PREPL: variants seen among roughly 807,000 people sequenced by gnomAD.
PREPL encodes the protein prolyl endopeptidase-like.
Under a neutral mutation model 70.6 loss-of-function variants are expected in PREPL, and 77 were observed. The observed-to-expected ratio is 1.09, with a 90% CI of 0.91 to 1.32. PREPL has a LOEUF of 1.32. Among genes scored for constraint, PREPL ranks in the 40% most tolerant of loss-of-function variants. The pLI, the probability that PREPL is intolerant of heterozygous loss-of-function variation, is 0.00. For missense variants in PREPL, 1,002 were observed against 778.2 expected, an observed-to-expected ratio of 1.29 and a Z score of -3.42; for synonymous variants, 315 against 264.8, an observed-to-expected ratio of 1.19 and a Z score of -1.84.
intron 10 of PREPL, among the ~76,000 whole-genome samples, chr2:44,325,391 C>G (rs1220204427): frequency 2.6e-5 from 4 of 152,212 alleles, no homozygotes; most frequent in Non-Finnish European, 5.9e-5. Flanking sequence ...TTTCATTGGG[C>G]CAATTCTATG....
chr2:44,324,819 C>A (rs978036831), intron 10 of PREPL, among the ~76,000 whole-genome samples: 1 of 152,020 alleles, frequency 6.6e-6, no homozygotes, highest in Non-Finnish European at 1.5e-5. Flanking sequence ...CCCCAGAGGT[C>A]GAGGCTGTAG....
chr2:44,332,047 C>T (rs1390161890), intron 8 of PREPL, among the ~76,000 whole-genome samples: 9 of 151,144 alleles, frequency 6.0e-5, no homozygotes, highest in Non-Finnish European at 1.2e-4. Flanking sequence ...CCTGGGTTCA[C>T]GCCATTCTCC....
chr2:44,346,456 G>C, intron 1 of PREPL, 66 bp from the exon 2 acceptor site: 1 of 1,448,732 alleles, frequency 6.9e-7, no homozygotes, highest in Non-Finnish European at 9.6e-7. Flanking sequence ...GCTTTTTAAA[G>C]ATAAGTAGGT....
At chr2:44,360,033 G>A (rs772847059) in intron 1 of PREPL, 51 of 225,932 alleles carry the variant, frequency 2.3e-4, no homozygotes, top group Non-Finnish European at 3.9e-4. Context: ...ACACATAGGG[G>A]TTAAACTAAA....
At chr2:44,353,412 C>G (rs1159685841) in intron 1 of PREPL, among the ~76,000 whole-genome samples, 1 of 151,778 alleles carries the variant, frequency 6.6e-6, no homozygotes, top group African/African-American at 2.4e-5. Flanking sequence ...TGGTGAAACC[C>G]TGTCTCTACT....
chr2:44,354,616 C>A (rs1476071501), intron 1 of PREPL, among the ~76,000 whole-genome samples: 1 of 152,034 alleles, frequency 6.6e-6, no homozygotes, highest in Non-Finnish European at 1.5e-5. Context: ...TCCCATCACA[C>A]CAGGCTGGAG....
chr2:44,325,305 C>T (rs147228837), intron 10 of PREPL, among the ~76,000 whole-genome samples: 1 of 152,316 alleles, frequency 6.6e-6, no homozygotes, highest in Non-Finnish European at 1.5e-5. Flanking sequence ...GGCAAAAGTG[C>T]CACAGCTATA....
intron 2 of PREPL, among the ~76,000 whole-genome samples, chr2:44,345,549 T>C (rs1418963978): frequency 6.6e-6 from 1 of 152,128 alleles, no homozygotes; most frequent in Non-Finnish European, 1.5e-5. Flanking sequence ...GGTTTCACCA[T>C]GTTGGCTAGG....
chr2:44,333,830 G>A (rs1461816386), intron 7 of PREPL, among the ~76,000 whole-genome samples: 2 of 152,102 alleles, frequency 1.3e-5, no homozygotes, highest in African/African-American at 4.8e-5. Context: ...ACTGAGACTT[G>A]AGAGGGGAAA....
intron 1 of PREPL, chr2:44,359,719 A>C (rs755128696): frequency 1.3e-6 from 2 of 1,588,892 alleles, no homozygotes; most frequent in South Asian, 2.2e-5. Context: ...GCTGCATGAT[A>C]TCAAAGTCCC....
rs1159528221 is a variant in PREPL at position 44,351,527 on chromosome 2, A to C, written c.-48-5137T>G. ...CCCTCGCCCTATTAAAAAAAAAAAA[A>C]ACAAAACCCTGTTCTCCAGGCAATC... On this transcript the variant is annotated intron_variant, in intron 1 of 13. Transcript: ENST00000409411. Among the ~76,000 whole-genome samples, 3 of 151,990 alleles carry C rather than the reference A, an allele frequency of 2.0e-5. No homozygotes were observed. The East Asian group carries it at 5.8e-4, about 29-fold the overall frequency.
At chr2:44,361,787 G>T (rs1409559307), upstream of PREPL, 4 of 809,354 alleles carry the variant, frequency 4.9e-6, no homozygotes. Context: ...CCTCACTCAA[G>T]ATGGCTACCA....
At chr2:44,345,662 CGACT>C (rs549036499) in intron 2 of PREPL, among the ~76,000 whole-genome samples, 6 of 151,850 alleles carry the variant, frequency 4.0e-5, no homozygotes, top group Non-Finnish European at 5.9e-5. Flanking sequence ...CAATTCATTT[CGACT>C]GACTATTTAT....
intron 1 of PREPL, among the ~76,000 whole-genome samples, chr2:44,351,312 C>T (rs1462132628): frequency 6.6e-6 from 1 of 152,002 alleles, no homozygotes; most frequent in Non-Finnish European, 1.5e-5. Flanking sequence ...GCACTAATTC[C>T]CTTGGTGATC....
intron 5 of PREPL, among the ~76,000 whole-genome samples, chr2:44,340,010 T>G (rs1385332703): frequency 6.6e-6 from 1 of 152,104 alleles, no homozygotes; most frequent in Non-Finnish European, 1.5e-5. Flanking sequence ...GTTATATTTA[T>G]ATTTCATGTG....
chr2:44,351,743 C>T (rs1356374086), intron 1 of PREPL, among the ~76,000 whole-genome samples: 3 of 152,216 alleles, frequency 2.0e-5, no homozygotes, highest in Non-Finnish European at 4.4e-5. Flanking sequence ...GTATCATCAT[C>T]ATTTCTCCCT....
At chr2:44,327,056 A>G in intron 9 of PREPL, 128 bp from the exon 10 acceptor site, 1 of 760,256 alleles carries the variant, frequency 1.3e-6, no homozygotes, top group South Asian at 1.8e-5. Flanking sequence ...TTTGCTTTTT[A>G]AAGGTTGAGT....
chr2:44,339,271 C>A lies in PREPL; in HGVS notation c.578G>T (p.Gly193Val). The change falls in exon 6 of 14, where the codon GGC becomes GTC. Residue 193 changes from glycine (G) to valine (V), a missense_variant. By Grantham distance (109) the Gly-to-Val change is moderately radical. Coordinates refer to ENST00000409411, the MANE Select transcript of PREPL (RefSeq NM_001171613.2). Reference protein sequence around the residue: ...KTTSEVWLIDGLSPWDPPVLI... With the variant: ...KTTSEVWLIDVLSPWDPPVLI... ...TACTGGTGGGTCCCAAGGGCTCAGG[C>A]CATCTATCAACCACACTTCAGAAGT... 1 of 1,614,036 alleles carries A rather than the reference C, an allele frequency of 6.2e-7. No homozygotes were observed. The highest frequency in any genetic ancestry group is 2.2e-5 in the East Asian group (1 of 44,876).
intron 1 of PREPL, among the ~76,000 whole-genome samples, chr2:44,350,741 C>T (rs1676328620): frequency 6.6e-6 from 1 of 152,214 alleles, no homozygotes; most frequent in African/African-American, 2.4e-5. Context: ...CTGACTGCTC[C>T]TGTCAAGGTC....
Sources: gnomAD v4.1 joint callset for allele counts (sites outside exome capture counted in the v4.1 genomes callset) on GRCh38, gnomAD v4.1.1 for gene constraint, MANE v1.5 for transcripts, NCBI Gene and HGNC (gene_info 2026-07-23, HGNC 2026-07-21) for gene names.